CAMSAP2: variants seen among roughly 807,000 people sequenced by gnomAD.
The protein encoded by CAMSAP2 is calmodulin regulated spectrin associated protein family member 2, also known as calmodulin-regulated spectrin-associated protein 2.
A neutral mutation model predicts 146.1 loss-of-function variants in CAMSAP2; 26 were observed. That is an observed-to-expected ratio of 0.18 (90% confidence interval 0.13 to 0.25). The LOEUF is 0.25. Ranked by LOEUF, CAMSAP2 falls within the 10% of genes least tolerant of loss-of-function variation. The pLI is 1.00. For missense variants in CAMSAP2, 1,381 were observed against 1,759.3 expected (o/e 0.78, Z 3.85); for synonymous variants, 499 against 596.6 (o/e 0.84, Z 2.38).
rs75994211 is a variant in CAMSAP2 at position 200,760,721 on chromosome 1, A to T, written c.140-118A>T. The T allele has an allele frequency of 2.0e-4, 142 of 695,372 alleles. No individual in the cohort carries two copies. In the East Asian group the frequency reaches 3.8e-3, roughly 19 times the overall value. 43.1% of individuals were successfully genotyped at this position (695,372 alleles called of 1,614,324 possible). A position where few individuals can be genotyped will look rare whatever the true frequency, so the allele number is the denominator to read the frequency against. ...GAATCATCTTTTCAGTTAAAGGGTT[A>T]TTGCTATATTTTTAGAGGGAATCTT... On this transcript the variant is annotated intron_variant, in intron 1 of 16. Coordinates refer to ENST00000358823, the MANE Select transcript of CAMSAP2 (RefSeq NM_203459.4).
At position 200,812,374 on chromosome 1, in the gene CAMSAP2, C is replaced by G. The variant is rs1430295601; in HGVS notation, c.562-3187C>G. Among the ~76,000 whole-genome samples the G allele has an allele frequency of 2.0e-5, 3 of 152,278 alleles. No individual in the cohort carries two copies. The East Asian group carries it at 5.8e-4, about 29-fold the overall frequency. ...GAAATCTACACAAAATTAAGGAAATCACTTAACTAGGAATGTTCAGCACCT... is the reference window on the plus strand; with the variant it reads ...GAAATCTACACAAAATTAAGGAAATGACTTAACTAGGAATGTTCAGCACCT... On this transcript the variant is annotated intron_variant, in intron 3 of 16. Coordinates refer to ENST00000358823, the MANE Select transcript of CAMSAP2 (RefSeq NM_203459.4).
intron 6 of CAMSAP2, among the ~76,000 whole-genome samples, chr1:200,836,256 C>G (rs1454991815): frequency 6.6e-6 from 1 of 152,168 alleles, no homozygotes; most frequent in Non-Finnish European, 1.5e-5. Context: ...CCTCTCCCTC[C>G]TTTCACCTTC....
At chr1:200,751,066 C>T (rs1195870783) in intron 1 of CAMSAP2, among the ~76,000 whole-genome samples, 1 of 151,602 alleles carries the variant, frequency 6.6e-6, no homozygotes, top group Non-Finnish European at 1.5e-5. Context: ...CCACGCCCAG[C>T]TAATTTTTGT....
intron 2 of CAMSAP2, among the ~76,000 whole-genome samples, chr1:200,793,798 TTA>T (rs2103034074): frequency 6.6e-6 from 1 of 152,338 alleles, no homozygotes; most frequent in African/African-American, 2.4e-5. Flanking sequence ...CAAACGTTGT[TTA>T]ATTAGCACTA....
Position 200,832,179 on chromosome 1 carries a change from T to C in CAMSAP2, c.646-21T>C. 1 of 1,582,988 alleles carries C rather than the reference T, an allele frequency of 6.3e-7. No homozygotes were observed. The highest frequency in any genetic ancestry group is 8.6e-7 in the Non-Finnish European group (1 of 1,168,152). ...GTTATTTGGTACTTATTTATTTTCA[T>C]GTATTTTTTTTATATCGTAGGCTCG... On this transcript the variant is annotated intron_variant, in intron 4 of 16. Coordinates refer to ENST00000358823, the MANE Select transcript of CAMSAP2 (RefSeq NM_203459.4). This position sits in a 1 kb window ranked among gnomAD's most constrained non-coding sequence, Gnocchi z 4.2.
chr1:200,838,031 A>C (rs181024941), intron 6 of CAMSAP2, among the ~76,000 whole-genome samples: 98 of 152,302 alleles, frequency 6.4e-4, no homozygotes, highest in African/African-American at 2.3e-3. Context: ...AGAAGCTTTT[A>C]AATGAATTAA....
At chr1:200,850,414 G>A in intron 11 of CAMSAP2, among the ~76,000 whole-genome samples, 180 bp downstream of exon 11, 1 of 152,060 alleles carries the variant, frequency 6.6e-6, no homozygotes, top group African/African-American at 2.4e-5. Context: ...TGGACTCAAA[G>A]CTGTAATAAA....
rs1368251524 is a variant in CAMSAP2 at position 200,848,757 on chromosome 1, C to T, written c.1988C>T (p.Pro663Leu). 6.2e-7 allele frequency: 1 copy of T among 1,614,108 alleles called. No homozygotes were observed. The highest frequency in any genetic ancestry group is 8.5e-7 in the Non-Finnish European group (1 of 1,179,992). ...GGCAACACCAGGGAAGCTTTGAGTC[C>T]TTGTCCAAGTACTGTAAGTACCAAG... Reference protein sequence around the residue: ...RTGNTREALSPCPSTVSTKSQ... With the variant: ...RTGNTREALSLCPSTVSTKSQ... Residue 663 changes from proline to leucine, a missense_variant, in exon 11 of 17, where the codon CCT (proline) becomes CTT (leucine). Pro to Leu is a moderately conservative substitution (Grantham distance 98, BLOSUM62 -3). Around this residue, in one of 4 missense-constraint regions of CAMSAP2, gnomAD observed 447 missense variants for 462.2 expected, o/e 0.97. Transcript: ENST00000358823.
chr1:200,750,362 A>G (rs1664464690), intron 1 of CAMSAP2, among the ~76,000 whole-genome samples: 2 of 152,288 alleles, frequency 1.3e-5, no homozygotes, highest in African/African-American at 4.8e-5. Flanking sequence ...CTTTATTGAT[A>G]TAAGGAACAC....
At chr1:200,815,243 T>C (rs1666450123) in intron 3 of CAMSAP2, among the ~76,000 whole-genome samples, 3 of 152,190 alleles carry the variant, frequency 2.0e-5, no homozygotes, top group Admixed American at 2.0e-4. Flanking sequence ...AATTTTTACT[T>C]GATATTAGTT....
At chr1:200,770,773 C>G (rs1188031172) in intron 2 of CAMSAP2, among the ~76,000 whole-genome samples, 1 of 152,100 alleles carries the variant, frequency 6.6e-6, no homozygotes, top group African/African-American at 2.4e-5. Context: ...TTATTATTTT[C>G]TGATAATAAC....
chr1:200,800,406 T>C (rs1338863546), intron 2 of CAMSAP2, among the ~76,000 whole-genome samples: 1 of 152,210 alleles, frequency 6.6e-6, no homozygotes, highest in Non-Finnish European at 1.5e-5. Context: ...TTGATCCCTT[T>C]ACCATTATGG....
intron 3 of CAMSAP2, among the ~76,000 whole-genome samples, chr1:200,810,508 G>A (rs563457007): frequency 2.6e-5 from 4 of 151,608 alleles, no homozygotes; most frequent in Non-Finnish European, 4.4e-5. Context: ...CCTGGGAGGC[G>A]GAGGTTGCTG....
intron 1 of CAMSAP2, among the ~76,000 whole-genome samples, chr1:200,759,696 T>C (rs1664747244): frequency 6.6e-6 from 1 of 152,168 alleles, no homozygotes; most frequent in Non-Finnish European, 1.5e-5. Context: ...AGAACCTCAC[T>C]TTCTAGAGAG....
intron 2 of CAMSAP2, among the ~76,000 whole-genome samples, chr1:200,786,282 G>C (rs770939843): frequency 3.3e-5 from 5 of 149,624 alleles, no homozygotes; most frequent in African/African-American, 9.8e-5. Flanking sequence ...TCTTATTTTG[G>C]CTTTTTAAAA....
chr1:200,817,022 ATATGTGTATACCCACATACACACGTG>A (rs1366866136), intron 4 of CAMSAP2, among the ~76,000 whole-genome samples: 1 of 140,388 alleles, frequency 7.1e-6, no homozygotes, highest in Non-Finnish European at 1.6e-5. Context: ...ACACACGTAT[ATATGTGTATACCCACATACACACGTG>A]TATGTGTATA....
At position 200,742,803 on chromosome 1, in the gene CAMSAP2, A is replaced by G. The variant is rs146669332; in HGVS notation, c.139+2837A>G. On this transcript the variant is annotated intron_variant, in intron 1 of 16. Transcript: ENST00000358823. ...CCATATGTTGTAAAAGTCATTTAAA[A>G]TGATAGCTAGAAATGTGAGCATAGA... Among the ~76,000 whole-genome samples, 192 of 152,276 alleles carry G rather than the reference A, an allele frequency of 1.3e-3. 1 individual carries two copies. The highest frequency in any genetic ancestry group is 4.4e-3 in the African/African-American group (182 of 41,566).
chr1:200,807,556 G>GAGT lies in CAMSAP2; in HGVS notation c.561+21_561+23dup. 6.7e-7 allele frequency: 1 copy of GAGT among 1,493,022 alleles called. No individual in the cohort carries two copies. The highest frequency in any genetic ancestry group is 9.0e-7 in the Non-Finnish European group (1 of 1,111,614). The allele number at this position is 1,493,022 out of a possible 1,614,324, so 92.5% of individuals were successfully genotyped here. On this transcript the variant is annotated intron_variant, in intron 3 of 16. Coordinates refer to ENST00000358823, the MANE Select transcript of CAMSAP2 (RefSeq NM_203459.4). ...AAATAAGGTAGGATTATACTCACTT[G>GAGT]AGTAAATCGCATCTCATAGCCAGAA...
At chr1:200,844,222 C>T (rs1443466368) in intron 7 of CAMSAP2, among the ~76,000 whole-genome samples, 1 of 151,978 alleles carries the variant, frequency 6.6e-6, no homozygotes, top group African/African-American at 2.4e-5. Context: ...GCTTTTTCCC[C>T]CTAATTATCC....
Sources: gnomAD v4.1 joint callset for allele counts (sites outside exome capture counted in the v4.1 genomes callset) on GRCh38, gnomAD v4.1.1 for gene constraint, gnomAD v4.1.1 regional missense constraint, Gnocchi (gnomAD v3.1) non-coding constraint, MANE v1.5 for transcripts, NCBI Gene and HGNC (gene_info 2026-07-23, HGNC 2026-07-21) for gene names.